Variants in ATRN observed in about 807,000 individuals in gnomAD.
ATRN encodes attractin-2.
A neutral mutation model predicts 178.7 loss-of-function variants in ATRN; 54 were observed. The observed-to-expected ratio is 0.30, with a 90% confidence interval of 0.24 to 0.38. ATRN has a LOEUF of 0.38. Among genes scored for constraint, ATRN ranks in the 10% least tolerant of loss-of-function variants. The pLI, the probability that ATRN is intolerant of heterozygous loss-of-function variation, is 1.00. For missense variants in ATRN, 1,443 were observed against 1,815.1 expected (o/e 0.79, Z 3.73); for synonymous variants, 636 against 663.0 (o/e 0.96, Z 0.63).
chr20:3,523,557 A>G (rs1041423259), intron 1 of ATRN, among the ~76,000 whole-genome samples: 15 of 152,200 alleles, frequency 9.9e-5, no homozygotes, highest in Non-Finnish European at 1.6e-4. Flanking sequence ...AATTCAGGAA[A>G]TACAGAGAAC....
In ATRN at chr20:3,604,279, G is replaced by T. The variant is rs2086650590; in HGVS notation, c.3801+17G>T. 5 of 1,579,356 alleles carry T rather than the reference G, an allele frequency of 3.2e-6. No homozygotes were observed. Among genetic ancestry groups the T allele is most frequent in the Non-Finnish European group, 4.3e-6 (5 of 1,168,368 alleles). ...AAAATTCAGGTAAGAAGAGGCTTTT[G>T]GTCTCATACCTGCAAAGGTGGTGAA... On this transcript the variant is annotated intron_variant, in intron 24 of 28. Transcript: ENST00000262919.
intron 25 of ATRN, among the ~76,000 whole-genome samples, 164 bp downstream of exon 25, chr20:3,624,736 T>C (rs570007668): frequency 6.6e-6 from 1 of 152,368 alleles, no homozygotes; most frequent in East Asian, 1.9e-4. Flanking sequence ...GTTACAGTAA[T>C]ATAAACTCAA....
At chr20:3,622,062 T>A (rs1302344748) in intron 24 of ATRN, among the ~76,000 whole-genome samples, 4 of 152,212 alleles carry the variant, frequency 2.6e-5, no homozygotes, top group Admixed American at 2.6e-4. Flanking sequence ...CATAAGTAAG[T>A]GTACAAATAC....
chr20:3,497,008 T>A (rs1477699857), intron 1 of ATRN, among the ~76,000 whole-genome samples: 1 of 151,994 alleles, frequency 6.6e-6, no homozygotes, highest in Non-Finnish European at 1.5e-5. Context: ...GTTTTCCATT[T>A]GCTTGGTAGA....
chr20:3,624,592 C>G lies in ATRN; in HGVS notation c.3863+20C>G. 5.7e-6 allele frequency: 9 copies of G among 1,591,872 alleles called. No individual in the cohort carries two copies. Among genetic ancestry groups the G allele is most frequent in the Non-Finnish European group, 7.8e-6 (9 of 1,160,186 alleles). On this transcript the variant is annotated intron_variant, in intron 25 of 28. Transcript: ENST00000262919. ...CTTCAGGTAATTTTGCTTATACAGA[C>G]TCTCTCTGTTCTTTTGATTTAGGCA...
chr20:3,524,331 A>G (rs1054810820), intron 1 of ATRN, among the ~76,000 whole-genome samples: 1 of 152,198 alleles, frequency 6.6e-6, no homozygotes, highest in Non-Finnish European at 1.5e-5. Context: ...ACATTACATA[A>G]TGTTAAAGAG....
In ATRN at chr20:3,562,580, T is replaced by C. The variant is rs143118359; in HGVS notation, c.1631+121T>C. 5.6e-5 allele frequency: 52 copies of C among 930,772 alleles called. 1 individual carries two copies. In the East Asian group the frequency reaches 1.2e-3, roughly 22 times the overall value. The allele number at this position is 930,772 out of a possible 1,614,324, so 57.7% of individuals were successfully genotyped here. On this transcript the variant is annotated intron_variant, in intron 9 of 28. Coordinates refer to ENST00000262919, the MANE Select transcript of ATRN (RefSeq NM_139321.3). ...GCAGATAATTCTGTTCGGCATTATA[T>C]ATAGAGAAATTGGGAAATAAACAGA...
intron 11 of ATRN, among the ~76,000 whole-genome samples, chr20:3,570,960 G>A (rs548450643): frequency 7.6e-4 from 115 of 152,290 alleles, no homozygotes; most frequent in Non-Finnish European, 1.3e-3. Flanking sequence ...ATTTGTGCAC[G>A]TTTGTGTGTT....
chr20:3,507,486 T>C (rs2085062727), intron 1 of ATRN, among the ~76,000 whole-genome samples: 1 of 151,572 alleles, frequency 6.6e-6, no homozygotes, highest in South Asian at 2.1e-4. Flanking sequence ...GTTTGAATGA[T>C]GTGGGACACA....
chr20:3,615,091 G>A (rs1278377347), intron 24 of ATRN, among the ~76,000 whole-genome samples: 1 of 151,984 alleles, frequency 6.6e-6, no homozygotes, highest in Non-Finnish European at 1.5e-5. Context: ...TATATTTATT[G>A]TATAATAACA....
intron 24 of ATRN, among the ~76,000 whole-genome samples, chr20:3,616,354 G>A (rs1003328842): frequency 6.6e-6 from 1 of 152,194 alleles, no homozygotes; most frequent in Non-Finnish European, 1.5e-5. Flanking sequence ...TGGACAGCAG[G>A]CACCTCGTTA....
In ATRN at chr20:3,549,397, A is replaced by G. The variant is rs537830495; in HGVS notation, c.1112+59A>G. ...AGTTTTTTATTTTGAAAATTTATAAAGCACAGATAAGCAAAAATAAATCAC... is the reference window on the plus strand; with the variant it reads ...AGTTTTTTATTTTGAAAATTTATAAGGCACAGATAAGCAAAAATAAATCAC... On this transcript the variant is annotated intron_variant, in intron 6 of 28. Coordinates refer to ENST00000262919, the MANE Select transcript of ATRN (RefSeq NM_139321.3). The G allele has an allele frequency of 3.1e-5, 42 of 1,356,944 alleles. 1 individual carries two copies. The highest frequency in any genetic ancestry group is 3.8e-4 in the Middle Eastern group (2 of 5,264). The allele number at this position is 1,356,944 out of a possible 1,614,324, so 84.1% of individuals were successfully genotyped here. A position where few individuals can be genotyped will look rare whatever the true frequency, so the allele number is the denominator to read the frequency against.
At chr20:3,486,628 C>T (rs238727) in intron 1 of ATRN, among the ~76,000 whole-genome samples, 10,667 of 151,936 alleles carry the variant, frequency 0.07, 1,076 homozygotes, top group African/African-American at 0.22. Context: ...GTAATCTGTC[C>T]GCCTTGGCCT....
chr20:3,522,518 G>A (rs1046811809), intron 1 of ATRN, among the ~76,000 whole-genome samples: 10 of 152,272 alleles, frequency 6.6e-5, no homozygotes, highest in South Asian at 4.2e-4. Context: ...CCTGCCTGCC[G>A]GCTCTGAAGA....
At chr20:3,561,704 G>T (rs1050752178) in intron 8 of ATRN, among the ~76,000 whole-genome samples, 3 of 152,194 alleles carry the variant, frequency 2.0e-5, no homozygotes, top group African/African-American at 7.2e-5. Context: ...ACCAAAGGTT[G>T]TAGGGAATTA....
chr20:3,607,973 G>C (rs1047725637), intron 24 of ATRN, among the ~76,000 whole-genome samples: 3 of 152,126 alleles, frequency 2.0e-5, no homozygotes, highest in Non-Finnish European at 4.4e-5. Flanking sequence ...GGTTACTGAT[G>C]TTGAGATTTT....
chr20:3,644,092 A>T, intron 27 of ATRN, 62 bp from the exon 28 acceptor site: 1 of 1,240,022 alleles, frequency 8.1e-7, no homozygotes, highest in Non-Finnish European at 1.2e-6. Flanking sequence ...AATGACCGTT[A>T]AGTTGTCCGT....
intron 1 of ATRN, among the ~76,000 whole-genome samples, chr20:3,516,811 T>C (rs1010267591): frequency 6.6e-6 from 1 of 152,098 alleles, no homozygotes; most frequent in Middle Eastern, 3.2e-3. Flanking sequence ...GCAAAGGACA[T>C]GAACTCATCC....
chr20:3,484,682 A>G (rs1011220436), intron 1 of ATRN, among the ~76,000 whole-genome samples: 5 of 152,146 alleles, frequency 3.3e-5, no homozygotes, highest in Non-Finnish European at 7.3e-5. Flanking sequence ...TGATGTTGAG[A>G]TAAGCCTGGG....
Sources: allele counts gnomAD v4.1 joint callset (sites outside exome capture counted in the v4.1 genomes callset), GRCh38; gene constraint gnomAD v4.1.1; transcripts MANE v1.5; gene names NCBI Gene and HGNC (gene_info 2026-07-23, HGNC 2026-07-21).